Variants in DNAJC17 observed in about 807,000 individuals in gnomAD.
DNAJC17 encodes DnaJ heat shock protein family (Hsp40) member C17, also known as dnaJ homolog subfamily C member 17.
Under a neutral mutation model 48.1 loss-of-function variants are expected in DNAJC17, and 35 were observed. The observed-to-expected ratio is 0.73, with a 90% CI of 0.56 to 0.96. DNAJC17 has a LOEUF of 0.96. Ranked by LOEUF, DNAJC17 falls within the 50% of genes least tolerant of loss-of-function variation. DNAJC17 has a pLI of 0.00. For missense variants in DNAJC17, 355 were observed against 377.1 expected, an observed-to-expected ratio of 0.94 and a Z score of 0.48; for synonymous variants, 117 against 142.7, an observed-to-expected ratio of 0.82 and a Z score of 1.28.
Position 40,779,255 on chromosome 15 carries a change from T to G in DNAJC17, c.263A>C (p.Lys88Thr). The change falls in exon 4 of 11, where the codon AAA (lysine) becomes ACA (threonine). Residue 88 changes from lysine (K) to threonine (T), a missense_variant. By Grantham distance (78) the Lys-to-Thr change is moderately conservative. Transcript: ENST00000220496. ...AKKQAAERTQKLDEKRKKVKL... is the reference protein window; with the variant it reads ...AKKQAAERTQTLDEKRKKVKL... ...CACTTTCTTCCTTTTCTCATCAAGTTTCTGGGTCCTCTCTGCTGCTTGCTT... is the reference window on the plus strand; with the variant it reads ...CACTTTCTTCCTTTTCTCATCAAGTGTCTGGGTCCTCTCTGCTGCTTGCTT... 6.2e-7 allele frequency: 1 copy of G among 1,614,166 alleles called. No homozygotes were observed. Among genetic ancestry groups the G allele is most frequent in the Non-Finnish European group, 8.5e-7 (1 of 1,180,038 alleles).
chr15:40,806,369 C>T (rs1199229996), intron 1 of DNAJC17, among the ~76,000 whole-genome samples: 1 of 151,872 alleles, frequency 6.6e-6, no homozygotes, highest in Non-Finnish European at 1.5e-5. Flanking sequence ...CAGGTGTGTG[C>T]CACCACGCCC....
Position 40,765,592 on chromosome 15 carries a change from T to A in DNAJC17, c.*2348A>T, listed in dbSNP as rs573710814. 1 of 341,890 alleles carries A rather than the reference T, an allele frequency of 2.9e-6. No individual in the cohort carries two copies. The highest frequency in any genetic ancestry group is 4.3e-5 in the East Asian group (1 of 22,990). 21.2% of individuals were successfully genotyped at this position (341,890 alleles called of 1,614,324 possible). A position where few individuals can be genotyped will look rare whatever the true frequency, so the allele number is the denominator to read the frequency against. On this transcript the variant is annotated 3_prime_UTR_variant, in exon 11 of 11. Transcript: ENST00000220496. The stretch of plus-strand genomic sequence containing the variant: ...CTGGAACTATAGGCTCGTGATACTT[T>A]GCCTGGCTAAAGCTGAGCTTTAAGG...
rs188658422 is a variant in DNAJC17 at position 40,807,255 on chromosome 15, C to T, written c.78+114G>A. On this transcript the variant is annotated intron_variant, in intron 1 of 10. Coordinates refer to ENST00000220496, the MANE Select transcript of DNAJC17 (RefSeq NM_018163.3). ...GGAGGGCATAGCGCCGACCCTCGCT[C>T]CCCGCCCAGGACCCGAATGAACCTG... 2.4e-4 allele frequency: 383 copies of T among 1,591,714 alleles called. No homozygotes were observed. The African/African-American group carries it at 4.6e-3, about 19-fold the overall frequency.
rs1214875041 is a variant in DNAJC17 at position 40,770,329 on chromosome 15, C to T, written c.793-2267G>A. 3.0e-6 allele frequency: 2 copies of T among 676,862 alleles called. No individual in the cohort carries two copies. Among genetic ancestry groups the T allele is most frequent in the Non-Finnish European group, 4.9e-6 (2 of 409,956 alleles). The allele number at this position is 676,862 out of a possible 1,614,324, so 41.9% of individuals were successfully genotyped here. On this transcript the variant is annotated intron_variant, in intron 10 of 10. Transcript: ENST00000220496. This position sits in a 1 kb window ranked among gnomAD's most constrained non-coding sequence, Gnocchi z 5.0. Reference sequence around the variant, plus strand: ...GGCAAAAAAGTTCCTTCTTCCTGAGCCCTCCTCTCACCATCCAAGATGTGG... The same window carrying T: ...GGCAAAAAAGTTCCTTCTTCCTGAGTCCTCCTCTCACCATCCAAGATGTGG...
rs1888927273 is a variant in DNAJC17 at position 40,765,487 on chromosome 15, A to C, written c.*2453T>G. 5.5e-6 allele frequency: 1 copy of C among 181,498 alleles called. No homozygotes were observed. Among genetic ancestry groups the C allele is most frequent in the Non-Finnish European group, 1.1e-5 (1 of 87,540 alleles). 11.2% of individuals were successfully genotyped at this position (181,498 alleles called of 1,614,324 possible). A position where few individuals can be genotyped will look rare whatever the true frequency, so the allele number is the denominator to read the frequency against. ...AGTCTCACTCTGTCACCCAGGCTGG[A>C]GTGCAGTGGTGCAATCATGGCTCAC... On this transcript the variant is annotated 3_prime_UTR_variant, in exon 11 of 11. Coordinates refer to ENST00000220496, the MANE Select transcript of DNAJC17 (RefSeq NM_018163.3).
chr15:40,788,693 CT>C (rs1457346132), intron 1 of DNAJC17, among the ~76,000 whole-genome samples: 1 of 82,020 alleles, frequency 1.2e-5, no homozygotes, highest in African/African-American at 5.7e-5. Context: ...GAGACTCTGT[CT>C]CAAAAAAAAA....
At chr15:40,776,149 T>A (rs1393299606) in intron 6 of DNAJC17, 47 bp downstream of exon 6, 1 of 1,588,364 alleles carries the variant, frequency 6.3e-7, no homozygotes, top group Non-Finnish European at 8.6e-7. Flanking sequence ...CTCTGAGCAA[T>A]CTGGAGCTAC....
rs1017155366 is a variant in DNAJC17, at chr15:40,767,750, C to G, written c.*190G>C. ...GCTTGTGCACGGACTCTGGGACTCT[C>G]ACCCTGCGGAGCGTTTCCCTGGGGG... On this transcript the variant is annotated 3_prime_UTR_variant, in exon 11 of 11. Coordinates refer to ENST00000220496, the MANE Select transcript of DNAJC17 (RefSeq NM_018163.3). The G allele has an allele frequency of 2.6e-6, 2 of 769,966 alleles. No homozygotes were observed. Among genetic ancestry groups the G allele is most frequent in the Non-Finnish European group, 4.0e-6 (2 of 499,676 alleles). 47.7% of individuals were successfully genotyped at this position (769,966 alleles called of 1,614,324 possible). A position where few individuals can be genotyped will look rare whatever the true frequency, so the allele number is the denominator to read the frequency against.
chr15:40,775,380 G>A (rs527301108), intron 7 of DNAJC17, 173 bp downstream of exon 7: 26 of 815,886 alleles, frequency 3.2e-5, no homozygotes, highest in African/African-American at 3.1e-4. Flanking sequence ...GCAGCCTTTC[G>A]TGGCAAGCTC....
chr15:40,765,834 G>A lies in DNAJC17; in HGVS notation c.*2106C>T, dbSNP rs781698990. ...CTGTGGCTTACCTTGCAGGAGGTGG[G>A]CCCCACTATGGTGGGCGATGAACAG... On this transcript the variant is annotated 3_prime_UTR_variant, in exon 11 of 11. Transcript: ENST00000220496. The A allele has an allele frequency of 1.3e-6, 2 of 1,549,634 alleles. No homozygotes were observed. The highest frequency in any genetic ancestry group is 1.8e-6 in the Non-Finnish European group (2 of 1,136,120).
At chr15:40,779,748 G>A (rs1278917370) in intron 2 of DNAJC17, 145 bp from the exon 3 acceptor site, 8 of 1,107,822 alleles carry the variant, frequency 7.2e-6, no homozygotes, top group Non-Finnish European at 1.0e-5. Context: ...AACAAGGAGG[G>A]GTGAGCATAT....
At chr15:40,774,612 T>A (rs1324120717) in intron 8 of DNAJC17, among the ~76,000 whole-genome samples, 176 bp from the exon 9 acceptor site, 1 of 152,228 alleles carries the variant, frequency 6.6e-6, no homozygotes, top group Non-Finnish European at 1.5e-5. Flanking sequence ...AAGAAAGAAA[T>A]TTTTTTCTAG....
intron 1 of DNAJC17, among the ~76,000 whole-genome samples, chr15:40,780,917 C>G (rs374739480): frequency 4.3e-4 from 65 of 151,294 alleles, no homozygotes; most frequent in African/African-American, 1.4e-3. Flanking sequence ...GAGGCTGAGG[C>G]GGGTGGATCA....
rs79217337 is a variant in DNAJC17 at position 40,767,872 on chromosome 15, T to TAA, written c.*66_*67dup. On this transcript the variant is annotated 3_prime_UTR_variant, in exon 11 of 11. Transcript: ENST00000220496. ...TATGTATGGGATAGAGGTAAAATCTTAAAAAAAAAAAAAATTTATTGGTGA... is the reference window on the plus strand; with the variant it reads ...TATGTATGGGATAGAGGTAAAATCTTAAAAAAAAAAAAAAAATTTATTGGTGA... 1.8e-4 allele frequency: 220 copies of TAA among 1,241,548 alleles called. No individual in the cohort carries two copies. Among genetic ancestry groups the TAA allele is most frequent in the Middle Eastern group, 2.2e-4 (1 of 4,488 alleles). The allele number at this position is 1,241,548 out of a possible 1,614,324, so 76.9% of individuals were successfully genotyped here. A position where few individuals can be genotyped will look rare whatever the true frequency, so the allele number is the denominator to read the frequency against.
At chr15:40,792,359 CCCTGGTAGTTTT>C (rs1291098128) in intron 1 of DNAJC17, 5 of 680,762 alleles carry the variant, frequency 7.3e-6, no homozygotes, top group African/African-American at 2.0e-5. Flanking sequence ...TATTAAGTTT[CCCTGGTAGTTTT>C]CCTGATAAAT....
Position 40,769,258 on chromosome 15 carries a change from G to C in DNAJC17, c.793-1196C>G, listed in dbSNP as rs1889050258. 1.3e-5 allele frequency among the ~76,000 whole-genome samples: 2 copies of C among 152,240 alleles called. No homozygotes were observed. The highest frequency in any genetic ancestry group is 2.9e-5 in the Non-Finnish European group (2 of 68,032). On this transcript the variant is annotated intron_variant, in intron 10 of 10. Transcript: ENST00000220496. The surrounding 1 kb of genome is among the most constrained non-coding windows in gnomAD (Gnocchi z 4.2). ...CTCCCTGGCCCAGCCTCCTGCAAGA[G>C]AAGGAGGACCCCAGAGGAAGCCCGG...
At chr15:40,768,991 G>T (rs1332763483) in intron 10 of DNAJC17, among the ~76,000 whole-genome samples, 1 of 152,280 alleles carries the variant, frequency 6.6e-6, no homozygotes, top group Non-Finnish European at 1.5e-5. Context: ...ACAGAGCAAG[G>T]CAGGAGGAAA....
intron 1 of DNAJC17, among the ~76,000 whole-genome samples, chr15:40,802,352 T>C (rs970174068): frequency 6.6e-5 from 10 of 151,992 alleles, no homozygotes; most frequent in Non-Finnish European, 8.8e-5. Context: ...ATATTTTTAG[T>C]AGAGATAGGA....
At chr15:40,797,717 CTTTTTTTTTT>C (rs538219563) in intron 1 of DNAJC17, among the ~76,000 whole-genome samples, 1 of 98,958 alleles carries the variant, frequency 1.0e-5, no homozygotes, top group Non-Finnish European at 2.1e-5. Flanking sequence ...TGGCCGATCT[CTTTTTTTTTT>C]TTTTTTTTTT....
Sources: allele counts gnomAD v4.1 joint callset (sites outside exome capture counted in the v4.1 genomes callset), GRCh38; gene constraint gnomAD v4.1.1; non-coding constraint Gnocchi (gnomAD v3.1); transcripts MANE v1.5; gene names NCBI Gene and HGNC (gene_info 2026-07-23, HGNC 2026-07-21).